Variants in SLC4A4 observed in about 807,000 individuals in gnomAD.
SLC4A4 encodes electrogenic sodium bicarbonate cotransporter 1.
A neutral mutation model predicts 111.5 loss-of-function variants in SLC4A4; 27 were observed. That is an observed-to-expected ratio of 0.24 (90% confidence interval 0.18 to 0.33). The LOEUF (loss-of-function observed/expected upper bound fraction) is 0.33, where lower values mean the gene tolerates loss of function less well. Among genes scored for constraint, SLC4A4 ranks in the 10% least tolerant of loss-of-function variants. SLC4A4 has a pLI of 1.00. For synonymous variants in SLC4A4, 443 were observed against 463.4 expected, an observed-to-expected ratio of 0.96 and a Z score of 0.57; for missense variants, 909 against 1,315.5, an observed-to-expected ratio of 0.69 and a Z score of 4.78.
At chr4:71,488,355 T>C (rs1476744395) in intron 15 of SLC4A4, among the ~76,000 whole-genome samples, 1 of 151,454 alleles carries the variant, frequency 6.6e-6, no homozygotes, top group African/African-American at 2.4e-5. Context: ...ACTCCAGCAA[T>C]TGATATGTAT....
chr4:71,453,367 T>C, intron 11 of SLC4A4, 128 bp from the exon 12 acceptor site: 1 of 956,312 alleles, frequency 1.0e-6, no homozygotes, highest in Non-Finnish European at 1.7e-6. Flanking sequence ...TCGTAAGTGG[T>C]TAAGTAGTAT....
chr4:71,197,821 A>C (rs1746075863), intron 1 of SLC4A4, among the ~76,000 whole-genome samples: 1 of 152,240 alleles, frequency 6.6e-6, no homozygotes. Context: ...ACCACAGATT[A>C]TAAAAAATAG....
At chr4:71,081,990 C>G (rs541317266) in intron 1 of SLC4A4, among the ~76,000 whole-genome samples, 2 of 151,998 alleles carry the variant, frequency 1.3e-5, no homozygotes, top group African/African-American at 2.4e-5. Context: ...GCCTTTCAAC[C>G]CTTAGGTTCT....
At chr4:71,226,181 G>A (rs982752538) in intron 1 of SLC4A4, among the ~76,000 whole-genome samples, 6 of 152,026 alleles carry the variant, frequency 3.9e-5, no homozygotes, top group Admixed American at 1.3e-4. Flanking sequence ...TGCATAGGCC[G>A]GAGTGCAGTG....
chr4:71,336,407 G>T (rs1170176230), intron 3 of SLC4A4, among the ~76,000 whole-genome samples: 2 of 152,160 alleles, frequency 1.3e-5, no homozygotes, highest in Admixed American at 1.3e-4. Context: ...CTTGTTGTTA[G>T]CTATAAAGGT....
intron 20 of SLC4A4, among the ~76,000 whole-genome samples, chr4:71,553,122 T>C (rs373587235): frequency 3.9e-5 from 6 of 151,900 alleles, no homozygotes; most frequent in African/African-American, 1.4e-4. Flanking sequence ...TCAAAAGACA[T>C]ATTTTTATCA....
chr4:71,266,737 T>A (rs1415279819), intron 3 of SLC4A4, among the ~76,000 whole-genome samples: 1 of 152,208 alleles, frequency 6.6e-6, no homozygotes, highest in Non-Finnish European at 1.5e-5. Context: ...GGCAGGCGCC[T>A]GGCTAGCCAC....
intron 13 of SLC4A4, among the ~76,000 whole-genome samples, chr4:71,466,951 GAGAGAGAGAGAGAGGGAGAGAGA>G (rs1727397087): frequency 8.5e-6 from 1 of 117,368 alleles, no homozygotes. Flanking sequence ...GAGAGAGAGA[GAGAGAGAGAGAGAGGGAGAGAGA>G]GAGAGGTCTG....
chr4:71,442,656 A>G (rs989937397), intron 8 of SLC4A4, among the ~76,000 whole-genome samples: 3 of 152,170 alleles, frequency 2.0e-5, no homozygotes, highest in East Asian at 1.9e-4. Flanking sequence ...ATGCTACTCT[A>G]TCGTACTGAA....
chr4:71,422,220 T>A (rs1273133348), intron 7 of SLC4A4, among the ~76,000 whole-genome samples: 5 of 141,954 alleles, frequency 3.5e-5, no homozygotes, highest in Non-Finnish European at 6.1e-5. Flanking sequence ...TCTACGCAAA[T>A]AAACTAGAAA....
chr4:71,539,386 A>G (rs1304860872), intron 18 of SLC4A4, among the ~76,000 whole-genome samples: 1 of 151,994 alleles, frequency 6.6e-6, no homozygotes, highest in African/African-American at 2.4e-5. Context: ...CATTTGTCCT[A>G]GCCTGGGTTT....
At chr4:71,129,257 C>A (rs901565782) in intron 2 of SLC4A4, among the ~76,000 whole-genome samples, 2 of 152,058 alleles carry the variant, frequency 1.3e-5, no homozygotes, top group South Asian at 2.1e-4. Flanking sequence ...GGAACTTAAA[C>A]AAGCTGACAA....
At chr4:71,290,378 TAGA>T (rs777031845) in intron 3 of SLC4A4, among the ~76,000 whole-genome samples, 1 of 152,118 alleles carries the variant, frequency 6.6e-6, no homozygotes, top group Non-Finnish European at 1.5e-5. Flanking sequence ...AAAGAGGTAG[TAGA>T]AGAACACAGA....
intron 1 of SLC4A4, among the ~76,000 whole-genome samples, chr4:71,211,523 G>A (rs540236999): frequency 1.3e-5 from 2 of 152,168 alleles, no homozygotes; most frequent in Non-Finnish European, 2.9e-5. Flanking sequence ...TCCTAATTGC[G>A]AATATACCAG....
intron 6 of SLC4A4, among the ~76,000 whole-genome samples, chr4:71,362,971 T>C (rs530047008): frequency 6.6e-6 from 1 of 152,298 alleles, no homozygotes; most frequent in South Asian, 2.1e-4. Context: ...TTTTCCTCTT[T>C]TTTAATTCAA....
chr4:71,299,337 T>A (rs967799751), intron 3 of SLC4A4, among the ~76,000 whole-genome samples: 19 of 152,204 alleles, frequency 1.2e-4, no homozygotes, highest in Non-Finnish European at 2.2e-4. Context: ...ACCTTACTGC[T>A]TATGTAATTG....
At chr4:71,207,795 G>GA (rs1300196543) in intron 1 of SLC4A4, among the ~76,000 whole-genome samples, 1 of 152,114 alleles carries the variant, frequency 6.6e-6, no homozygotes, top group African/African-American at 2.4e-5. Flanking sequence ...TTGAGTTTAG[G>GA]AAATTTTTGG....
intron 8 of SLC4A4, among the ~76,000 whole-genome samples, chr4:71,444,416 C>A (rs975313976): frequency 6.6e-6 from 1 of 152,062 alleles, no homozygotes; most frequent in Non-Finnish European, 1.5e-5. Context: ...GTAACTCTGA[C>A]TTATTTATTT....
In SLC4A4 at chr4:71,555,187, A is replaced by G; in HGVS notation, c.2742A>G (p.Val914=). ...VLYGVFLYMG[V]ASLNGVQFMD... ...ATGGTGTGTTCCTGTATATGGGAGT[A>G]GCATCCCTTAATGGTGTGCAGGTAA... Residue 914 remains valine (V), a synonymous_variant, in exon 21 of 26, where the codon GTA becomes GTG. Coordinates refer to ENST00000264485, the MANE Select transcript of SLC4A4 (RefSeq NM_001098484.3). The G allele has an allele frequency of 1.9e-6, 3 of 1,609,968 alleles. No individual in the cohort carries two copies. The highest frequency in any genetic ancestry group is 2.5e-6 in the Non-Finnish European group (3 of 1,176,860).
Sources: allele counts gnomAD v4.1 joint callset (sites outside exome capture counted in the v4.1 genomes callset), GRCh38; gene constraint gnomAD v4.1.1; transcripts MANE v1.5; gene names NCBI Gene and HGNC (gene_info 2026-07-23, HGNC 2026-07-21).